MYO10: variants seen among roughly 807,000 people sequenced by gnomAD.
MYO10 encodes the protein unconventional myosin-X.
MYO10 carries 133 observed loss-of-function variants against 257.3 expected under a neutral mutation model. The ratio of observed to expected loss-of-function variants is 0.52; its 90% CI spans 0.45 to 0.60. The LOEUF (loss-of-function observed/expected upper bound fraction) is 0.60. MYO10 is among the 20% of genes least tolerant of loss of function. MYO10 has a pLI of 0.00. For missense variants in MYO10, 2,399 were observed against 2,635.7 expected, an observed-to-expected ratio of 0.91 and a Z score of 1.97; for synonymous variants, 1,104 against 1,028.6, an observed-to-expected ratio of 1.07 and a Z score of -1.40.
chr5:16,823,256 C>T (rs989597336), intron 2 of MYO10, among the ~76,000 whole-genome samples: 11 of 149,510 alleles, frequency 7.4e-5, no homozygotes, highest in African/African-American at 2.5e-4. Context: ...ACCAGCCTGG[C>T]CAACGTGGTG....
At chr5:16,845,010 A>G (rs1043055742) in intron 2 of MYO10, among the ~76,000 whole-genome samples, 7 of 152,132 alleles carry the variant, frequency 4.6e-5, no homozygotes, top group Non-Finnish European at 1.0e-4. Context: ...TGACTGATCT[A>G]TATTATCTTA....
intron 1 of MYO10, among the ~76,000 whole-genome samples, chr5:16,931,473 T>C (rs970347100): frequency 6.6e-6 from 1 of 152,102 alleles, no homozygotes; most frequent in African/African-American, 2.4e-5. Flanking sequence ...AGCTTGTTCC[T>C]GGTTTGTGCT....
At chr5:16,708,763 A>G (rs1440981088) in intron 21 of MYO10, among the ~76,000 whole-genome samples, 1 of 152,044 alleles carries the variant, frequency 6.6e-6, no homozygotes, top group Non-Finnish European at 1.5e-5. Context: ...AGGTCTCACT[A>G]TGTTTTCCAG....
At chr5:16,711,996 G>T (rs1005779489) in intron 19 of MYO10, among the ~76,000 whole-genome samples, 1 of 151,618 alleles carries the variant, frequency 6.6e-6, no homozygotes, top group South Asian at 2.1e-4. Context: ...AGACTTTAAA[G>T]TGTCATACAA....
intron 2 of MYO10, among the ~76,000 whole-genome samples, chr5:16,875,854 G>A (rs1404883236): frequency 6.6e-6 from 1 of 152,140 alleles, no homozygotes; most frequent in Non-Finnish European, 1.5e-5. Context: ...GCCAGGGATG[G>A]TGGCTCACTT....
chr5:16,672,942 T>C, intron 36 of MYO10, 117 bp from the exon 37 acceptor site: 1 of 1,208,062 alleles, frequency 8.3e-7, no homozygotes, highest in Non-Finnish European at 1.1e-6. Flanking sequence ...GTCTCCAGCC[T>C]CCTAAAAATG....
chr5:16,877,167 C>T (rs1467977925), intron 2 of MYO10, among the ~76,000 whole-genome samples: 2 of 152,182 alleles, frequency 1.3e-5, no homozygotes, highest in Non-Finnish European at 2.9e-5. Context: ...ATCACTCAGT[C>T]TATGGTATTC....
At chr5:16,923,470 G>A (rs1427957749) in intron 1 of MYO10, among the ~76,000 whole-genome samples, 1 of 151,704 alleles carries the variant, frequency 6.6e-6, no homozygotes, top group Admixed American at 6.6e-5. Context: ...TGTATTTTTA[G>A]TAGAGATGGG....
rs762480639 is a variant in MYO10, at chr5:16,670,576, C to T, written c.5833G>A (p.Ala1945Thr). ...TAGCCAGGCCACTCCTTGATCAAGG[C>T]CATGTACTTGGCCATGGCCTGTTCC... ...NQEQAMAKYM[A>T]LIKEWPGYGS... is the part of the protein sequence containing the mutation. The change falls in exon 39 of 41, where the codon GCC (alanine) becomes ACC (threonine). Residue 1945 changes from alanine to threonine, a missense_variant. By Grantham distance (58) the Ala-to-Thr change is moderately conservative. Around this residue, in one of 3 missense-constraint regions of MYO10, gnomAD observed 1,820 missense variants for 1,939.4 expected, o/e 0.94. Coordinates refer to ENST00000513610, the MANE Select transcript of MYO10 (RefSeq NM_012334.3). 1.6e-5 allele frequency: 26 copies of T among 1,613,920 alleles called. No individual in the cohort carries two copies. Among genetic ancestry groups the T allele is most frequent in the Non-Finnish European group, 2.2e-5 (26 of 1,179,826 alleles).
intron 40 of MYO10, 133 bp from the exon 41 acceptor site, chr5:16,666,926 G>A (rs1736200398): frequency 1.5e-6 from 1 of 683,924 alleles, no homozygotes; most frequent in Admixed American, 2.8e-5. Flanking sequence ...CCATTTTGCA[G>A]GAAGCCAGAA....
intron 2 of MYO10, among the ~76,000 whole-genome samples, chr5:16,845,835 G>C (rs917240189): frequency 6.6e-6 from 1 of 151,798 alleles, no homozygotes; most frequent in Non-Finnish European, 1.5e-5. Flanking sequence ...GTGGTGGCAC[G>C]CACCTGTAGT....
At chr5:16,676,297 A>AC (rs1736721430) in intron 33 of MYO10, 143 bp from the exon 34 acceptor site, 3 of 932,400 alleles carry the variant, frequency 3.2e-6, no homozygotes, top group Non-Finnish European at 4.8e-6. Context: ...GGACGAAGAT[A>AC]CCCATAATCT....
At position 16,670,581 on chromosome 5, in the gene MYO10, T is replaced by C; in HGVS notation, c.5828A>G (p.Tyr1943Cys). ...AGGCCACTCCTTGATCAAGGCCATG[T>C]ACTTGGCCATGGCCTGTTCCTGGTT... Reference protein sequence around the residue: ...GMNQEQAMAKYMALIKEWPGY... With the variant: ...GMNQEQAMAKCMALIKEWPGY... Residue 1943 changes from tyrosine to cysteine, a missense_variant, in exon 39 of 41, where the codon TAC (tyrosine) becomes TGC (cysteine). By Grantham distance (194) the Tyr-to-Cys change is radical. Around this residue, in one of 3 missense-constraint regions of MYO10, gnomAD observed 1,820 missense variants for 1,939.4 expected, o/e 0.94. Transcript: ENST00000513610. The C allele has an allele frequency of 6.2e-7, 1 of 1,613,976 alleles. No homozygotes were observed. Among genetic ancestry groups the C allele is most frequent in the Non-Finnish European group, 8.5e-7 (1 of 1,179,868 alleles).
intron 3 of MYO10, among the ~76,000 whole-genome samples, chr5:16,796,442 C>A (rs56236450): frequency 0.022 from 2,611 of 120,744 alleles, 96 homozygotes; most frequent in African/African-American, 0.081. Flanking sequence ...AAAAGAAAGA[C>A]AGAAAGAAAG....
intron 2 of MYO10, among the ~76,000 whole-genome samples, chr5:16,865,639 C>T (rs1744222885): frequency 6.6e-6 from 1 of 151,932 alleles, no homozygotes; most frequent in South Asian, 2.1e-4. Flanking sequence ...GGTGAAACCC[C>T]GTCTCTCCTA....
rs192898686 is a variant in MYO10 at position 16,763,397 on chromosome 5, G to A, written c.1494+84C>T. The A allele has an allele frequency of 5.3e-5, 55 of 1,042,244 alleles. No individual in the cohort carries two copies. The African/African-American group carries it at 6.5e-4, about 12-fold the overall frequency. The allele number at this position is 1,042,244 out of a possible 1,614,324, so 64.6% of individuals were successfully genotyped here. The stretch of plus-strand genomic sequence containing the variant: ...ATTCACATCGTTGATGTGCGTGTTC[G>A]TGCACGTTATTTTGTTCCCATAAAT... On this transcript the variant is annotated intron_variant, in intron 14 of 40. Transcript: ENST00000513610.
Position 16,707,744 on chromosome 5 carries a change from T to C in MYO10, c.2170-3059A>G, listed in dbSNP as rs954634875. Reference sequence around the variant, plus strand: ...CGCAGCTGTTCAGCAGGGAAATACATTGCAATCTCCTCCCCACGGGCTGTG... The same window carrying C: ...CGCAGCTGTTCAGCAGGGAAATACACTGCAATCTCCTCCCCACGGGCTGTG... On this transcript the variant is annotated intron_variant, in intron 21 of 40. Transcript: ENST00000513610. Among the ~76,000 whole-genome samples, 9 of 152,192 alleles carry C rather than the reference T, an allele frequency of 5.9e-5. No individual in the cohort carries two copies. In the East Asian group the frequency reaches 1.7e-3, roughly 29 times the overall value.
rs772192268 is a variant in MYO10 at position 16,710,950 on chromosome 5, G to A, written c.2127C>T (p.Leu709=). ...VRGKCTSLLQ[L]YDASNSEWQL... is the part of the protein sequence containing the mutation. ...GCCACTCGCTGTTGGAGGCATCATAGAGCTGCAGCAGGCTCGTGCACTTCC... is the reference window on the plus strand; with the variant it reads ...GCCACTCGCTGTTGGAGGCATCATAAAGCTGCAGCAGGCTCGTGCACTTCC... The change falls in exon 21 of 41, where the codon CTC becomes CTT. Residue 709 remains leucine, a synonymous_variant. Transcript: ENST00000513610. The A allele has an allele frequency of 5.0e-6, 8 of 1,613,758 alleles. No individual in the cohort carries two copies. In the East Asian group the frequency reaches 1.6e-4, roughly 31 times the overall value.
chr5:16,837,816 T>C (rs1023307626), intron 2 of MYO10, among the ~76,000 whole-genome samples: 5 of 152,190 alleles, frequency 3.3e-5, no homozygotes, highest in African/African-American at 1.2e-4. Flanking sequence ...ATCGAGGGTT[T>C]GTGGCAACCC....
Sources: gnomAD v4.1 joint callset for allele counts (sites outside exome capture counted in the v4.1 genomes callset) on GRCh38, gnomAD v4.1.1 for gene constraint, gnomAD v4.1.1 regional missense constraint, MANE v1.5 for transcripts, NCBI Gene and HGNC (gene_info 2026-07-23, HGNC 2026-07-21) for gene names.